The following KAZN variants were observed in gnomAD, a reference collection of about 807,000 sequenced individuals.
The protein encoded by KAZN is kazrin, periplakin interacting protein, also known as kazrin.
In KAZN, 40 loss-of-function variants were observed where a neutral mutation model predicts 87.4. The observed-to-expected ratio is 0.46, with a 90% CI of 0.36 to 0.60. KAZN has a LOEUF of 0.60. Among genes scored for constraint, KAZN ranks in the 20% least tolerant of loss-of-function variants. The pLI is 0.00. For synonymous variants in KAZN, 466 were observed against 458.3 expected (o/e 1.02, Z -0.22); for missense variants, 898 against 1,073.9 (o/e 0.84, Z 2.29).
chr1:14,231,045 A>T (rs59190064), intron 2 of KAZN, among the ~76,000 whole-genome samples: 1 of 152,126 alleles, frequency 6.6e-6, no homozygotes, highest in Admixed American at 6.5e-5. Flanking sequence ...TTGAAGTATT[A>T]GCATGGTGCC....
At chr1:14,417,221 C>T (rs753722122) in intron 2 of KAZN, among the ~76,000 whole-genome samples, 3 of 151,770 alleles carry the variant, frequency 2.0e-5, no homozygotes, top group Admixed American at 6.6e-5. Context: ...AAACAATAAT[C>T]CTAGGTACTT....
chr1:14,876,061 A>G (rs1557579503), intron 1 of KAZN, among the ~76,000 whole-genome samples: 1 of 152,238 alleles, frequency 6.6e-6, no homozygotes, highest in Non-Finnish European at 1.5e-5. Flanking sequence ...GACTGAGGCA[A>G]GGAGGAAGAA....
intron 2 of KAZN, among the ~76,000 whole-genome samples, chr1:14,343,912 T>G (rs974798380): frequency 1.3e-5 from 2 of 152,204 alleles, no homozygotes; most frequent in Non-Finnish European, 2.9e-5. Context: ...ATTTTGTTTT[T>G]TAAAAGTCCC....
intron 1 of KAZN, among the ~76,000 whole-genome samples, chr1:14,097,545 G>C (rs138137680): frequency 6.6e-6 from 1 of 152,132 alleles, no homozygotes; most frequent in Non-Finnish European, 1.5e-5. Context: ...TACCTGAAAG[G>C]CATTGTATTC....
chr1:14,755,133 G>A (rs963951246), intron 1 of KAZN, among the ~76,000 whole-genome samples: 22 of 149,206 alleles, frequency 1.5e-4, no homozygotes, highest in African/African-American at 5.5e-4. Flanking sequence ...TGTGCCCACA[G>A]TTCCAGCTAC....
chr1:15,088,019 C>T (rs1640343949), intron 8 of KAZN, among the ~76,000 whole-genome samples: 1 of 152,212 alleles, frequency 6.6e-6, no homozygotes, highest in Non-Finnish European at 1.5e-5. Context: ...GATTCAAACC[C>T]AGGGCTCCCA....
intron 1 of KAZN, among the ~76,000 whole-genome samples, chr1:13,911,130 C>G (rs928561880): frequency 6.6e-5 from 10 of 152,248 alleles, no homozygotes; most frequent in African/African-American, 2.4e-4. Flanking sequence ...CTCACTGCAA[C>G]CTCCACCTCC....
chr1:13,974,525 A>G (rs1638223911), intron 1 of KAZN, among the ~76,000 whole-genome samples: 1 of 152,208 alleles, frequency 6.6e-6, no homozygotes, highest in African/African-American at 2.4e-5. Flanking sequence ...AAATCCAGTG[A>G]CAAGTGTCCT....
At chr1:14,220,332 C>T (rs1021463151) in intron 2 of KAZN, among the ~76,000 whole-genome samples, 17 of 152,186 alleles carry the variant, frequency 1.1e-4, no homozygotes, top group African/African-American at 3.6e-4. Flanking sequence ...AAATCCTTCT[C>T]GTGACCTTGC....
At chr1:14,430,615 G>T (rs1204858936) in intron 2 of KAZN, among the ~76,000 whole-genome samples, 2 of 152,146 alleles carry the variant, frequency 1.3e-5, no homozygotes, top group Non-Finnish European at 2.9e-5. Context: ...GATAACCACT[G>T]TTTTCTGGGG....
chr1:14,849,636 C>G (rs1395637334), intron 1 of KAZN, among the ~76,000 whole-genome samples: 1 of 152,200 alleles, frequency 6.6e-6, no homozygotes, highest in Non-Finnish European at 1.5e-5. Flanking sequence ...TGGTACCTAG[C>G]CTTCCTGTCG....
chr1:14,779,032 AGAGT>A (rs1266489728), intron 1 of KAZN, among the ~76,000 whole-genome samples: 4 of 152,188 alleles, frequency 2.6e-5, no homozygotes, highest in South Asian at 2.1e-4. Flanking sequence ...GTGAATCTGA[AGAGT>A]GAGTGTTTCC....
chr1:14,706,506 A>C (rs1274949879), intron 1 of KAZN, among the ~76,000 whole-genome samples: 1 of 152,178 alleles, frequency 6.6e-6, no homozygotes, highest in Non-Finnish European at 1.5e-5. Flanking sequence ...AAAAAAAATA[A>C]AGATTTGAGA....
chr1:14,351,450 T>C (rs1361453346), intron 2 of KAZN, among the ~76,000 whole-genome samples: 2 of 152,112 alleles, frequency 1.3e-5, no homozygotes, highest in Admixed American at 1.3e-4. Context: ...TGCCTGCTCC[T>C]CTGGAGGCTG....
upstream of KAZN, among the ~76,000 whole-genome samples, chr1:14,597,818 G>A (rs1676605854): frequency 6.6e-6 from 1 of 152,100 alleles, no homozygotes; most frequent in African/African-American, 2.4e-5. Flanking sequence ...GGAATCCAGG[G>A]CCCCAGTGAA....
intron 1 of KAZN, among the ~76,000 whole-genome samples, chr1:14,611,579 TG>T (rs112172927): frequency 0.13 from 19,845 of 151,422 alleles, 3,034 homozygotes; most frequent in African/African-American, 0.37. Context: ...CCCAGCTACC[TG>T]GGGGGGCTGA....
At chr1:14,958,900 G>T (rs1663502875) in intron 1 of KAZN, among the ~76,000 whole-genome samples, 1 of 152,206 alleles carries the variant, frequency 6.6e-6, no homozygotes, top group Non-Finnish European at 1.5e-5. Context: ...CGCAAGGCTG[G>T]TGAGTGCGGC....
At chr1:14,110,336 A>G (rs955278646) in intron 1 of KAZN, among the ~76,000 whole-genome samples, 6 of 152,358 alleles carry the variant, frequency 3.9e-5, no homozygotes, top group African/African-American at 9.6e-5. Context: ...CATAAGATAT[A>G]TTAATACACA....
intron 1 of KAZN, among the ~76,000 whole-genome samples, chr1:14,070,204 G>T (rs1007047011): frequency 9.1e-6 from 1 of 109,754 alleles, no homozygotes; most frequent in Non-Finnish European, 1.9e-5. Flanking sequence ...ATAAAAATAA[G>T]AAAAGAGGGA....
Sources: gnomAD v4.1 joint callset for allele counts (sites outside exome capture counted in the v4.1 genomes callset) on GRCh38, gnomAD v4.1.1 for gene constraint, MANE v1.5 for transcripts, NCBI Gene and HGNC (gene_info 2026-07-23, HGNC 2026-07-21) for gene names.